The following QPCTL variants were observed in gnomAD, a reference collection of about 807,000 sequenced individuals.
The protein encoded by QPCTL is glutaminyl-peptide cyclotransferase-like protein.
In QPCTL, 31 loss-of-function variants were observed where a neutral mutation model predicts 34.6. The observed-to-expected ratio is 0.90, with a 90% CI of 0.67 to 1.21. The LOEUF is 1.21. Among genes scored for constraint, QPCTL ranks in the 50% most tolerant of loss-of-function variants. The pLI is 0.00. For synonymous variants in QPCTL, 223 were observed against 226.9 expected (o/e 0.98, Z 0.15); for missense variants, 474 against 507.8 (o/e 0.93, Z 0.64).
At chr19:45,693,720 GC>G (rs1363707198) in intron 2 of QPCTL, among the ~76,000 whole-genome samples, 164 bp downstream of exon 2, 3 of 152,134 alleles carry the variant, frequency 2.0e-5, no homozygotes, top group Non-Finnish European at 4.4e-5. Flanking sequence ...AGGCTGTACT[GC>G]CCCCCTTAAT....
chr19:45,696,204 C>CT (rs758163523), intron 3 of QPCTL, among the ~76,000 whole-genome samples: 24 of 152,114 alleles, frequency 1.6e-4, no homozygotes, highest in Non-Finnish European at 3.1e-4. Flanking sequence ...CTTGCTCACT[C>CT]TGCTGTAGCC....
Position 45,703,219 on chromosome 19 carries a change from GC to G in QPCTL, c.*172del. 1.1e-6 allele frequency: 1 copy of G among 891,188 alleles called. No individual in the cohort carries two copies. Among genetic ancestry groups the G allele is most frequent in the Non-Finnish European group, 1.7e-6 (1 of 595,972 alleles). The allele number at this position is 891,188 out of a possible 1,614,324, so 55.2% of individuals were successfully genotyped here. A position where few individuals can be genotyped will look rare whatever the true frequency, so the allele number is the denominator to read the frequency against. On this transcript the variant is annotated 3_prime_UTR_variant, in exon 7 of 7. Transcript: ENST00000012049. ...TTCTTTCTTTTGATTGTCTCAAGCTGCCACCCTTCAAGGACAGGGAAGAGAC... is the reference window on the plus strand; with the variant it reads ...TTCTTTCTTTTGATTGTCTCAAGCTGCACCCTTCAAGGACAGGGAAGAGAC...
In QPCTL at chr19:45,694,255, C is replaced by T. The variant is rs1386725148; in HGVS notation, c.351+699C>T. Reference sequence around the variant, plus strand: ...TTAGCCAGGCGTGGTGGTGGGTACCCGTAGTCCCAGCTACTTGGGAGGCTG... The same window carrying T: ...TTAGCCAGGCGTGGTGGTGGGTACCTGTAGTCCCAGCTACTTGGGAGGCTG... On this transcript the variant is annotated intron_variant, in intron 2 of 6. Coordinates refer to ENST00000012049, the MANE Select transcript of QPCTL (RefSeq NM_017659.4). Among the ~76,000 whole-genome samples the T allele has an allele frequency of 4.0e-5, 6 of 151,858 alleles. No homozygotes were observed. The East Asian group carries it at 7.9e-4, about 20-fold the overall frequency.
At chr19:45,698,940 G>A (rs1347128864) in intron 5 of QPCTL, 40 bp downstream of exon 5, 1 of 1,574,794 alleles carries the variant, frequency 6.4e-7, no homozygotes, top group Admixed American at 1.7e-5. Flanking sequence ...CCCACCTGGG[G>A]TATGGGGTAC....
chr19:45,701,787 C>T lies in QPCTL; in HGVS notation c.887-11C>T. ...GACTAACCCTTCCTCTCTAATCGCC[C>T]CCACTTCCAGAGAAGCGTCTGCACC... On this transcript the variant is annotated splice_polypyrimidine_tract_variant and intron_variant, in intron 5 of 6. Transcript: ENST00000012049. 1.9e-6 allele frequency: 3 copies of T among 1,602,046 alleles called. No individual in the cohort carries two copies. The highest frequency in any genetic ancestry group is 2.6e-6 in the Non-Finnish European group (3 of 1,171,252).
At position 45,695,521 on chromosome 19, in the gene QPCTL, GTGGACTTTGGCAATGTGGTGGCCACAC is replaced by G; in HGVS notation, c.442_468del (p.Phe148_Asp156del). 1 of 1,614,132 alleles carries G rather than the reference GTGGACTTTGGCAATGTGGTGGCCACAC, an allele frequency of 6.2e-7. No homozygotes were observed. The highest frequency in any genetic ancestry group is 1.1e-5 in the South Asian group (1 of 91,086). ...CACAGCCTCAACACCCCTGGGGCCA[GTGGACTTTGGCAATGTGGTGGCCACAC>G]TGGACCCAAGGGCTGCCCGTCACCT... On this transcript the variant is annotated inframe_deletion, in exon 3 of 7. Coordinates refer to ENST00000012049, the MANE Select transcript of QPCTL (RefSeq NM_017659.4).
chr19:45,702,954 A>G lies in QPCTL; in HGVS notation c.1054A>G (p.Thr352Ala), dbSNP rs769799150. 6.2e-7 allele frequency: 1 copy of G among 1,613,726 alleles called. No individual in the cohort carries two copies. The highest frequency in any genetic ancestry group is 1.3e-5 in the African/African-American group (1 of 74,798). ...CACGCCCTTCCCTGCTGTCTGGCACACCCCTGCGGACACCGAGGTCAATCT... is the reference window on the plus strand; with the variant it reads ...CACGCCCTTCCCTGCTGTCTGGCACGCCCCTGCGGACACCGAGGTCAATCT... The part of the protein sequence containing the change: ...ISTPFPAVWH[T>A]PADTEVNLHP... Residue 352 changes from threonine (T) to alanine (A), a missense_variant, in exon 7 of 7, where the codon ACC becomes GCC. Coordinates refer to ENST00000012049, the MANE Select transcript of QPCTL (RefSeq NM_017659.4).
At position 45,693,445 on chromosome 19, in the gene QPCTL, G is replaced by A. The variant is rs868839040; in HGVS notation, c.240G>A (p.Arg80=). Residue 80 remains arginine (R), a synonymous_variant, in exon 2 of 7, where the codon CGG becomes CGA. Coordinates refer to ENST00000012049, the MANE Select transcript of QPCTL (RefSeq NM_017659.4). ...VPLIGSLPEA[R]LRRVVGQLDP... ...TGATCGGAAGCCTCCCCGAAGCCCG[G>A]CTGCGGAGGGTGGTGGGACAACTGG... 1 of 1,612,402 alleles carries A rather than the reference G, an allele frequency of 6.2e-7. No homozygotes were observed. Among genetic ancestry groups the A allele is most frequent in the Non-Finnish European group, 8.5e-7 (1 of 1,179,080 alleles).
chr19:45,695,652 GCCCTGTGCC>G lies in QPCTL; in HGVS notation c.569_577del (p.Pro190_Ala192del). On this transcript the variant is annotated inframe_deletion, in exon 3 of 7. Transcript: ENST00000012049. ...TTGTAGGGGCCACGGATTCGGCTGT[GCCCTGTGCC>G]CTGCTGCTGGAGCTGGCCCAAGCAC... is the stretch of plus-strand genomic sequence containing the variant. 1 of 1,613,862 alleles carries G rather than the reference GCCCTGTGCC, an allele frequency of 6.2e-7. No homozygotes were observed. The highest frequency in any genetic ancestry group is 8.5e-7 in the Non-Finnish European group (1 of 1,179,954).
In QPCTL at chr19:45,695,694, G is replaced by T; in HGVS notation, c.609G>T (p.Leu203=). 6.2e-7 allele frequency: 1 copy of T among 1,612,218 alleles called. No homozygotes were observed. ...LLLELAQALD[L]ELSRAKKQAA... is the part of the protein sequence containing the mutation. ...TGGAGCTGGCCCAAGCACTTGACCT[G>T]GAGCTGAGCAGGGCCAAAAAACAGG... The change falls in exon 3 of 7, where the codon CTG becomes CTT. Residue 203 remains leucine, a synonymous_variant. Transcript: ENST00000012049.
intron 5 of QPCTL, among the ~76,000 whole-genome samples, chr19:45,701,110 A>ACG (rs1272521142): frequency 2.8e-5 from 3 of 107,426 alleles, no homozygotes; most frequent in Non-Finnish European, 5.7e-5. Flanking sequence ...TTCTACACAC[A>ACG]CGCGCACACA....
intron 2 of QPCTL, among the ~76,000 whole-genome samples, chr19:45,695,196 G>A (rs554554412): frequency 6.6e-6 from 1 of 152,030 alleles, no homozygotes; most frequent in African/African-American, 2.4e-5. Context: ...TGAGTCAGGA[G>A]AATCACTTGA....
chr19:45,698,439 A>T lies in QPCTL; in HGVS notation c.634-108A>T. 4 of 1,336,916 alleles carry T rather than the reference A, an allele frequency of 3.0e-6. No homozygotes were observed. The South Asian group carries it at 4.2e-5, about 14-fold the overall frequency. 82.8% of individuals were successfully genotyped at this position (1,336,916 alleles called of 1,614,324 possible). On this transcript the variant is annotated intron_variant, in intron 3 of 6. Coordinates refer to ENST00000012049, the MANE Select transcript of QPCTL (RefSeq NM_017659.4). ...TGGCTACCACGTTCTATGAGTGAGG[A>T]CACCTTATGTGTTCTCTTAAGCATG...
At chr19:45,701,274 G>A (rs1232331107) in intron 5 of QPCTL, among the ~76,000 whole-genome samples, 2 of 150,136 alleles carry the variant, frequency 1.3e-5, no homozygotes, top group Non-Finnish European at 3.0e-5. Flanking sequence ...GAGAGAGCAA[G>A]ATCTTTTTTT....
At chr19:45,698,998 TC>T in intron 5 of QPCTL, 98 bp downstream of exon 5, 1 of 955,570 alleles carries the variant, frequency 1.0e-6, no homozygotes, top group Non-Finnish European at 1.6e-6. Flanking sequence ...TAAAGGCTCA[TC>T]CACCAGTCTG....
chr19:45,702,383 G>T (rs560379885), intron 6 of QPCTL, among the ~76,000 whole-genome samples: 1 of 151,886 alleles, frequency 6.6e-6, no homozygotes, highest in South Asian at 2.1e-4. Flanking sequence ...GGAGCACTTG[G>T]GCCTGGGAAG....
chr19:45,702,825 G>T (rs1016888475), intron 6 of QPCTL, 79 bp from the exon 7 acceptor site: 6 of 1,572,866 alleles, frequency 3.8e-6, no homozygotes, highest in Non-Finnish European at 4.4e-6. Context: ...GCAAGGCAAG[G>T]TTACCTAGAG....
chr19:45,699,640 C>T lies in QPCTL; in HGVS notation c.886+740C>T, dbSNP rs182185967. Among the ~76,000 whole-genome samples, 421 of 151,206 alleles carry T rather than the reference C, an allele frequency of 2.8e-3. 1 individual carries two copies. Among genetic ancestry groups the T allele is most frequent in the Admixed American group, 9.9e-3 (150 of 15,144 alleles). ...AAACCCTGTCTCTACAAAATAAAAA[C>T]AAACATTAGGCCAGGCGCGATGGCT... On this transcript the variant is annotated intron_variant, in intron 5 of 6. Coordinates refer to ENST00000012049, the MANE Select transcript of QPCTL (RefSeq NM_017659.4).
Position 45,703,011 on chromosome 19 carries a change from A to G in QPCTL, c.1111A>G (p.Ile371Val), listed in dbSNP as rs751205735. 6 of 1,614,078 alleles carry G rather than the reference A, an allele frequency of 3.7e-6. No homozygotes were observed. Among genetic ancestry groups the G allele is most frequent in the Non-Finnish European group, 5.1e-6 (6 of 1,180,008 alleles). The change falls in exon 7 of 7, where the codon ATT (isoleucine) becomes GTT (valine). Residue 371 changes from isoleucine to valine, a missense_variant. Transcript: ENST00000012049. ...ACCCACGGTACACAACTTGTGCCGC[A>G]TTCTCGCTGTGTTCCTGGCTGAATA... ...HPPTVHNLCRILAVFLAEYLG... is the reference protein window; with the variant it reads ...HPPTVHNLCRVLAVFLAEYLG...
Sources: allele counts gnomAD v4.1 joint callset (sites outside exome capture counted in the v4.1 genomes callset), GRCh38; gene constraint gnomAD v4.1.1; transcripts MANE v1.5; gene names NCBI Gene and HGNC (gene_info 2026-07-23, HGNC 2026-07-21).